LONP2: variants seen among roughly 807,000 people sequenced by gnomAD.
The protein encoded by LONP2 is lon peptidase 2, peroxisomal.
Under a neutral mutation model 85.6 loss-of-function variants are expected in LONP2, and 60 were observed. That is an observed-to-expected ratio of 0.70 (90% CI 0.57 to 0.87). LONP2 has a LOEUF of 0.87. LONP2 is among the 40% of genes least tolerant of loss of function. LONP2 has a pLI of 0.00. For missense variants in LONP2, 860 were observed against 1,063.5 expected (o/e 0.81, Z 2.66); for synonymous variants, 395 against 389.7 (o/e 1.01, Z -0.16).
At chr16:48,301,765 A>G (rs946673359) in intron 10 of LONP2, among the ~76,000 whole-genome samples, 1 of 152,222 alleles carries the variant, frequency 6.6e-6, no homozygotes, top group Non-Finnish European at 1.5e-5. Context: ...CTTCTGCCTT[A>G]TAGGAGCACC....
At chr16:48,303,338 G>C in intron 11 of LONP2, 33 bp downstream of exon 11, 7 of 1,607,528 alleles carry the variant, frequency 4.4e-6, no homozygotes, top group Non-Finnish European at 6.0e-6. Flanking sequence ...TCTCAGGCCT[G>C]GTGGCTAGGA....
chr16:48,355,084 TTA>T lies in LONP2; in HGVS notation c.*3284_*3285del, dbSNP rs1960290478. The T allele has an allele frequency of 6.6e-6, 1 of 152,142 alleles. No individual in the cohort carries two copies. The highest frequency in any genetic ancestry group is 1.5e-5 in the Non-Finnish European group (1 of 68,032). 9.4% of individuals were successfully genotyped at this position (152,142 alleles called of 1,614,324 possible). On this transcript the variant is annotated 3_prime_UTR_variant, in exon 15 of 15. Coordinates refer to ENST00000285737, the MANE Select transcript of LONP2 (RefSeq NM_031490.5). The stretch of plus-strand genomic sequence containing the variant: ...GCTGATTGTTTCCCCCTCTTGGGTA[TTA>T]TGAGTAATGCTATGAACATGGGTGT...
intron 11 of LONP2, among the ~76,000 whole-genome samples, chr16:48,314,825 A>G (rs988631232): frequency 1.4e-4 from 21 of 152,206 alleles, no homozygotes; most frequent in African/African-American, 4.8e-4. Context: ...TTGGTAGTGT[A>G]TGACAATGCA....
chr16:48,342,405 A>G (rs1959842927), intron 12 of LONP2, among the ~76,000 whole-genome samples: 1 of 152,210 alleles, frequency 6.6e-6, no homozygotes, highest in African/African-American at 2.4e-5. Flanking sequence ...AAATGCCTCA[A>G]AGAATCATGG....
At chr16:48,281,205 TGAATAAA>T (rs1432170616) in intron 8 of LONP2, among the ~76,000 whole-genome samples, 1 of 152,204 alleles carries the variant, frequency 6.6e-6, no homozygotes, top group South Asian at 2.1e-4. Context: ...GTGCTTACTC[TGAATAAA>T]GAATAAACTT....
rs200701726 is a variant in LONP2, at chr16:48,320,786, T to C, written c.1796-13430T>C. On this transcript the variant is annotated intron_variant, in intron 11 of 14. Coordinates refer to ENST00000285737, the MANE Select transcript of LONP2 (RefSeq NM_031490.5). ...CTGGTTTAAGAGAGACTTGTTTGCC[T>C]GTACAGACCGGGAGGAAGCTTCAAT... Among the ~76,000 whole-genome samples the C allele has an allele frequency of 1.7e-4, 26 of 152,344 alleles. No individual in the cohort carries two copies. The East Asian group carries it at 4.8e-3, about 28-fold the overall frequency.
At chr16:48,357,541 C>A (rs1484523842), downstream of LONP2, among the ~76,000 whole-genome samples, 1 of 152,196 alleles carries the variant, frequency 6.6e-6, no homozygotes, top group East Asian at 1.9e-4. Flanking sequence ...ACACTATTCA[C>A]CCTGTCGAGT....
At chr16:48,290,064 T>G (rs1972528646) in intron 8 of LONP2, among the ~76,000 whole-genome samples, 1 of 152,204 alleles carries the variant, frequency 6.6e-6, no homozygotes, top group South Asian at 2.1e-4. Context: ...GTCAAGGTCT[T>G]CTAGAATATT....
chr16:48,279,494 T>A (rs1385612665), intron 8 of LONP2, among the ~76,000 whole-genome samples: 1 of 152,056 alleles, frequency 6.6e-6, no homozygotes, highest in Non-Finnish European at 1.5e-5. Flanking sequence ...GAAGAATGAT[T>A]GGGGTCGGGG....
Position 48,262,872 on chromosome 16 carries a change from G to A in LONP2, c.982G>A (p.Asp328Asn). ...ACTTCCTTGGAACAAAAGTACAACT[G>A]GTAAGCCAAAAAATAACACCTGTTT... is the stretch of plus-strand genomic sequence containing the variant. ...VELPWNKSTT[D>N]RLDIRAARIL... Residue 328 changes from aspartate (D) to asparagine (N), a missense_variant and splice_region_variant, in exon 6 of 15, where the codon GAC becomes AAC. Coordinates refer to ENST00000285737, the MANE Select transcript of LONP2 (RefSeq NM_031490.5). 2 of 1,589,122 alleles carry A rather than the reference G, an allele frequency of 1.3e-6. No homozygotes were observed. The highest frequency in any genetic ancestry group is 1.7e-6 in the Non-Finnish European group (2 of 1,161,934).
intron 8 of LONP2, among the ~76,000 whole-genome samples, chr16:48,292,938 A>T (rs928533661): frequency 3.3e-5 from 5 of 152,144 alleles, no homozygotes; most frequent in African/African-American, 1.2e-4. Context: ...TTCTCCTTAT[A>T]ATCTAGGTAT....
intron 11 of LONP2, among the ~76,000 whole-genome samples, chr16:48,320,531 A>G (rs1350546340): frequency 6.6e-6 from 1 of 152,094 alleles, no homozygotes; most frequent in Non-Finnish European, 1.5e-5. Flanking sequence ...AGATTATTAA[A>G]AAAAAAAAAT....
chr16:48,255,495 G>T (rs753308377), intron 2 of LONP2, among the ~76,000 whole-genome samples: 7 of 152,202 alleles, frequency 4.6e-5, no homozygotes, highest in Non-Finnish European at 8.8e-5. Flanking sequence ...GTTACTGAAA[G>T]TGTGCCTTGG....
chr16:48,336,549 G>A (rs543662519), intron 12 of LONP2: 13 of 417,522 alleles, frequency 3.1e-5, no homozygotes, highest in South Asian at 8.5e-5. Flanking sequence ...GGGTGGGGCC[G>A]TTTCATAGGA....
chr16:48,266,396 C>T (rs549235685), intron 6 of LONP2, among the ~76,000 whole-genome samples: 1 of 150,904 alleles, frequency 6.6e-6, no homozygotes, highest in South Asian at 2.1e-4. Flanking sequence ...GTAGTATGTA[C>T]ATTTTGATGA....
rs1960367163 is a variant in LONP2 at position 48,356,552 on chromosome 16, T to G, written c.*4750T>G. 1 of 158,404 alleles carries G rather than the reference T, an allele frequency of 6.3e-6. No homozygotes were observed. 9.8% of individuals were successfully genotyped at this position (158,404 alleles called of 1,614,324 possible). Reference sequence around the variant, plus strand: ...AAAAAAAGACTACAGTTAGTCATTATCCAATTTGATGATTTATGGTCCAAC... The same window carrying G: ...AAAAAAAGACTACAGTTAGTCATTAGCCAATTTGATGATTTATGGTCCAAC... On this transcript the variant is annotated 3_prime_UTR_variant, in exon 15 of 15. Coordinates refer to ENST00000285737, the MANE Select transcript of LONP2 (RefSeq NM_031490.5).
intron 2 of LONP2, among the ~76,000 whole-genome samples, chr16:48,254,760 TC>T (rs1431601463): frequency 1.3e-5 from 2 of 152,244 alleles, no homozygotes; most frequent in Non-Finnish European, 2.9e-5. Context: ...TTGAAATGTA[TC>T]TTATAGGTAT....
intron 12 of LONP2, among the ~76,000 whole-genome samples, chr16:48,343,421 G>A (rs937910007): frequency 3.3e-5 from 5 of 152,056 alleles, no homozygotes; most frequent in African/African-American, 7.2e-5. Flanking sequence ...GCAATCAGCC[G>A]GGCACAGCAG....
At chr16:48,277,180 T>C (rs1291146555) in intron 7 of LONP2, among the ~76,000 whole-genome samples, 158 bp from the exon 8 acceptor site, 1 of 152,220 alleles carries the variant, frequency 6.6e-6, no homozygotes, top group Non-Finnish European at 1.5e-5. Context: ...ATAATAACTT[T>C]TGATTTATCA....
Sources: allele counts gnomAD v4.1 joint callset (sites outside exome capture counted in the v4.1 genomes callset), GRCh38; gene constraint gnomAD v4.1.1; transcripts MANE v1.5; gene names NCBI Gene and HGNC (gene_info 2026-07-23, HGNC 2026-07-21).